FOXK2: variants seen among roughly 807,000 people sequenced by gnomAD.
FOXK2 encodes the protein forkhead box K2, also known as forkhead box protein K2.
Under a neutral mutation model 53.3 loss-of-function variants are expected in FOXK2, and 24 were observed. The observed-to-expected ratio is 0.45, with a 90% CI of 0.33 to 0.63. FOXK2 has a LOEUF of 0.63. Among genes scored for constraint, FOXK2 ranks in the 30% least tolerant of loss-of-function variants. The pLI, the probability that FOXK2 is intolerant of heterozygous loss-of-function variation, is 0.03. For synonymous variants in FOXK2, 505 were observed against 407.1 expected, an observed-to-expected ratio of 1.24 and a Z score of -2.89; for missense variants, 952 against 910.5, an observed-to-expected ratio of 1.05 and a Z score of -0.59.
At chr17:82,594,701 G>A (rs939000084) in intron 8 of FOXK2, among the ~76,000 whole-genome samples, 5 of 152,140 alleles carry the variant, frequency 3.3e-5, no homozygotes, top group Admixed American at 1.3e-4. Flanking sequence ...AGGCAGCAGC[G>A]GAGCCCGTCT....
intron 1 of FOXK2, among the ~76,000 whole-genome samples, chr17:82,522,242 T>C (rs1213907685): frequency 6.6e-6 from 1 of 151,948 alleles, no homozygotes; most frequent in African/African-American, 2.4e-5. Flanking sequence ...CCTGCCCCAG[T>C]GCTCAGGAGT....
chr17:82,564,847 C>T (rs1281507066), intron 2 of FOXK2, among the ~76,000 whole-genome samples: 1 of 151,630 alleles, frequency 6.6e-6, no homozygotes, highest in Non-Finnish European at 1.5e-5. Flanking sequence ...TCTCAAGCCT[C>T]AGTCTCCTGA....
intron 1 of FOXK2, among the ~76,000 whole-genome samples, chr17:82,551,823 T>C (rs1033066110): frequency 4.6e-5 from 7 of 152,252 alleles, no homozygotes; most frequent in Admixed American, 1.3e-4. Context: ...TGTCAAGCTG[T>C]TTATTTGTAA....
At chr17:82,531,432 C>T (rs1459121459) in intron 1 of FOXK2, among the ~76,000 whole-genome samples, 1 of 152,148 alleles carries the variant, frequency 6.6e-6, no homozygotes. Context: ...CTTGTACAGT[C>T]ATGCATCACT....
intron 1 of FOXK2, among the ~76,000 whole-genome samples, chr17:82,529,116 T>C (rs1026939332): frequency 2.0e-5 from 3 of 152,212 alleles, no homozygotes; most frequent in African/African-American, 7.2e-5. Flanking sequence ...TTATGACTCT[T>C]GGTCCTACTG....
intron 8 of FOXK2, among the ~76,000 whole-genome samples, chr17:82,591,985 C>T (rs2143154181): frequency 6.6e-6 from 1 of 152,344 alleles, no homozygotes; most frequent in Middle Eastern, 3.4e-3. Context: ...CTCACTGCAG[C>T]CCCGACCTAC....
intron 1 of FOXK2, among the ~76,000 whole-genome samples, chr17:82,532,899 G>A (rs1038410845): frequency 3.3e-5 from 5 of 152,046 alleles, no homozygotes; most frequent in Non-Finnish European, 5.9e-5. Flanking sequence ...TATTTGATAA[G>A]CTTTTTTCTG....
At position 82,577,164 on chromosome 17, in the gene FOXK2, AAAAAAG is replaced by A. The variant is rs572369179; in HGVS notation, c.909+5306_909+5311del. On this transcript the variant is annotated intron_variant, in intron 4 of 8. Coordinates refer to ENST00000335255, the MANE Select transcript of FOXK2 (RefSeq NM_004514.4). ...GCAACAAGAGCAAAACTCCGTCTCA[AAAAAAG>A]AAAAAGAAAAAAAGAAATGTATTCA... 3.9e-4 allele frequency: 362 copies of A among 918,198 alleles called. 3 individuals carry two copies. In the East Asian group the frequency reaches 9.1e-3, roughly 23 times the overall value. The allele number at this position is 918,198 out of a possible 1,614,324, so 56.9% of individuals were successfully genotyped here.
At chr17:82,555,905 A>G (rs1206083474) in intron 1 of FOXK2, among the ~76,000 whole-genome samples, 2 of 145,326 alleles carry the variant, frequency 1.4e-5, no homozygotes, top group East Asian at 1.9e-4. Flanking sequence ...AAAAAAAAAA[A>G]AAAAAAAAAA....
intron 8 of FOXK2, chr17:82,599,852 G>T (rs1361620212): frequency 6.6e-6 from 1 of 152,332 alleles, no homozygotes; most frequent in African/African-American, 2.4e-5. Context: ...TGACGGACAG[G>T]TGGGCAAGTC....
At chr17:82,590,866 G>C (rs905119811) in intron 8 of FOXK2, among the ~76,000 whole-genome samples, 4 of 152,214 alleles carry the variant, frequency 2.6e-5, no homozygotes, top group African/African-American at 9.6e-5. Flanking sequence ...TGCACAGGCT[G>C]CCTGAGACTC....
intron 6 of FOXK2, 46 bp from the exon 7 acceptor site, chr17:82,585,858 A>G (rs749298983): frequency 2.5e-6 from 4 of 1,572,276 alleles, no homozygotes; most frequent in South Asian, 2.3e-5. Context: ...CTTTGTTTGT[A>G]GAAGTCAGTA....
intron 1 of FOXK2, among the ~76,000 whole-genome samples, chr17:82,534,982 C>T (rs148717216): frequency 1.8e-4 from 27 of 152,296 alleles, no homozygotes; most frequent in Non-Finnish European, 2.9e-4. Context: ...CAGGTTTAAG[C>T]GATTCTCCTG....
At chr17:82,533,295 C>T (rs1376868047) in intron 1 of FOXK2, among the ~76,000 whole-genome samples, 1 of 152,048 alleles carries the variant, frequency 6.6e-6, no homozygotes, top group African/African-American at 2.4e-5. Context: ...TTGAGACCAG[C>T]CTGGCCAACA....
rs372685542 is a variant in FOXK2, at chr17:82,571,770, C to T, written c.809C>T (p.Ala270Val). The change falls in exon 4 of 9, where the codon GCG becomes GTG. Residue 270 changes from alanine to valine, a missense_variant. Around this residue, in one of 5 missense-constraint regions of FOXK2, gnomAD observed 160 missense variants for 214.2 expected, o/e 0.75. Transcript: ENST00000335255. Reference protein sequence around the residue: ...PYSYAQLIVQAITMAPDKQLT... With the variant: ...PYSYAQLIVQVITMAPDKQLT... ...TCCTACGCGCAGCTGATAGTTCAGG[C>T]GATTACGATGGCTCCCGACAAACAG... The T allele has an allele frequency of 3.8e-5, 61 of 1,599,568 alleles. No homozygotes were observed. The highest frequency in any genetic ancestry group is 5.0e-5 in the Non-Finnish European group (59 of 1,174,918).
intron 1 of FOXK2, among the ~76,000 whole-genome samples, chr17:82,549,661 C>A (rs181872616): frequency 6.6e-6 from 1 of 152,186 alleles, no homozygotes; most frequent in African/African-American, 2.4e-5. Context: ...ACTCTCCAAG[C>A]CAAAGGAAAA....
At chr17:82,576,633 G>A in intron 4 of FOXK2, 1 of 1,107,544 alleles carries the variant, frequency 9.0e-7, no homozygotes, top group South Asian at 1.3e-5. Flanking sequence ...ATTGTTCTGG[G>A]AAGCTGGCAC....
chr17:82,592,229 T>G (rs2045259627), intron 8 of FOXK2, among the ~76,000 whole-genome samples: 1 of 152,052 alleles, frequency 6.6e-6, no homozygotes, highest in Admixed American at 6.6e-5. Context: ...GATTTGGGAG[T>G]TCGGGGCTGA....
chr17:82,535,117 T>C (rs1599881366), intron 1 of FOXK2, among the ~76,000 whole-genome samples: 1 of 152,306 alleles, frequency 6.6e-6, no homozygotes, highest in East Asian at 1.9e-4. Context: ...TGACCTCAGC[T>C]TATCCACCTG....
Sources: gnomAD v4.1 joint callset for allele counts (sites outside exome capture counted in the v4.1 genomes callset) on GRCh38, gnomAD v4.1.1 for gene constraint, gnomAD v4.1.1 regional missense constraint, MANE v1.5 for transcripts, NCBI Gene and HGNC (gene_info 2026-07-23, HGNC 2026-07-21) for gene names.